Variants in TUBD1 observed in about 807,000 individuals in gnomAD.
The protein encoded by TUBD1 is tubulin delta 1.
TUBD1 carries 38 observed loss-of-function variants against 51.2 expected under a neutral mutation model. The observed-to-expected ratio is 0.74, with a 90% confidence interval of 0.57 to 0.97. The LOEUF (loss-of-function observed/expected upper bound fraction) is 0.97, where lower values mean the gene tolerates loss of function less well. Among genes scored for constraint, TUBD1 ranks in the 50% least tolerant of loss-of-function variants. The pLI, the probability that TUBD1 is intolerant of heterozygous loss-of-function variation, is 0.00. For synonymous variants in TUBD1, 169 were observed against 178.2 expected (o/e 0.95, Z 0.41); for missense variants, 489 against 538.4 (o/e 0.91, Z 0.91).
At chr17:59,885,317 T>C in intron 3 of TUBD1, 2 of 633,476 alleles carry the variant, frequency 3.2e-6, no homozygotes, top group East Asian at 3.1e-5. Flanking sequence ...GGTGAACCGA[T>C]GCACTGGCAG....
chr17:59,890,901 G>A lies in TUBD1; in HGVS notation c.102C>T (p.Cys34=). The A allele has an allele frequency of 6.2e-7, 1 of 1,613,872 alleles. No homozygotes were observed. The change falls in exon 2 of 9, where the codon TGC becomes TGT. Residue 34 remains cysteine, a synonymous_variant. Transcript: ENST00000325752. The stretch of plus-strand genomic sequence containing the variant: ...GATATGCCTCATTCTCTCTCATAGA[G>A]CAGAGTCCCTGGGAACTGTGTGAGT... ...LSDSHSSQGL[C]SMRENEAYQA... is the part of the protein sequence containing the mutation.
In TUBD1 at chr17:59,878,318, TAGTTTTGAAC is replaced by T; in HGVS notation, c.544_553del (p.Val182ThrfsTer5). 3 of 1,613,058 alleles carry T rather than the reference TAGTTTTGAAC, an allele frequency of 1.9e-6. No individual in the cohort carries two copies. The South Asian group carries it at 3.3e-5, about 18-fold the overall frequency. On this transcript the variant is annotated frameshift_variant, in exon 5 of 9. Transcript: ENST00000325752. LOFTEE classifies it high-confidence loss of function. ...GTGAGAAAGTGTCAAAATGGAGTTG[TAGTTTTGAAC>T]AATAACCTGGAGAGGAAAAGGTCAG... is the stretch of plus-strand genomic sequence containing the variant.
intron 1 of TUBD1, chr17:59,891,998 TA>T (rs1413869337): frequency 6.6e-6 from 1 of 151,312 alleles, no homozygotes; most frequent in Non-Finnish European, 1.5e-5. Flanking sequence ...ATTAAAAAAA[TA>T]AAAACAAGAC....
chr17:59,883,834 T>C (rs776746022), intron 3 of TUBD1, among the ~76,000 whole-genome samples: 16 of 152,204 alleles, frequency 1.1e-4, no homozygotes, highest in African/African-American at 1.7e-4. Flanking sequence ...ATTACAGGCA[T>C]GAGTAGTGGC....
intron 7 of TUBD1, among the ~76,000 whole-genome samples, chr17:59,866,007 AG>A (rs760011727): frequency 8.8e-5 from 13 of 148,240 alleles, no homozygotes; most frequent in Non-Finnish European, 1.6e-4. Flanking sequence ...GCTACTCAGG[AG>A]GCTGAGGCAG....
intron 4 of TUBD1, among the ~76,000 whole-genome samples, chr17:59,879,973 G>A (rs985306171): frequency 5.3e-5 from 8 of 151,588 alleles, no homozygotes; most frequent in South Asian, 2.1e-4. Flanking sequence ...GGGTGATCTC[G>A]AACTTCTGAC....
intron 6 of TUBD1, among the ~76,000 whole-genome samples, chr17:59,870,570 C>A (rs1483791300): frequency 6.6e-6 from 1 of 152,040 alleles, no homozygotes; most frequent in African/African-American, 2.4e-5. Flanking sequence ...TGACACCTGG[C>A]ACAGCCCTGT....
At chr17:59,890,805 A>T (rs762204570) in intron 2 of TUBD1, 26 bp downstream of exon 2, 1 of 1,579,864 alleles carries the variant, frequency 6.3e-7, no homozygotes, top group Non-Finnish European at 8.6e-7. Context: ...ATCAGAGTAA[A>T]GGAGAGGACT....
At chr17:59,889,538 G>A (rs1300931558) in intron 2 of TUBD1, among the ~76,000 whole-genome samples, 13 of 150,710 alleles carry the variant, frequency 8.6e-5, no homozygotes, top group African/African-American at 2.2e-4. Flanking sequence ...GCGTGGTGGC[G>A]CATGCCTGTA....
chr17:59,880,103 G>C (rs544956050), intron 4 of TUBD1, among the ~76,000 whole-genome samples: 1 of 151,852 alleles, frequency 6.6e-6, no homozygotes, highest in Admixed American at 6.6e-5. Flanking sequence ...CTGTCGCCAG[G>C]CTGGAGTGCA....
chr17:59,887,280 G>A (rs1029203479), intron 2 of TUBD1, among the ~76,000 whole-genome samples: 21 of 151,982 alleles, frequency 1.4e-4, no homozygotes, highest in Admixed American at 7.9e-4. Flanking sequence ...GCTGAGGCAC[G>A]AGAATTGCTT....
At chr17:59,882,083 TC>T (rs202003726) in intron 3 of TUBD1, among the ~76,000 whole-genome samples, 76,471 of 150,342 alleles carry the variant, frequency 0.51, 19,963 homozygotes, top group African/African-American at 0.65. Context: ...ATTAGCAACT[TC>T]TTTTTTTTTT....
chr17:59,891,411 A>G (rs574342257), intron 1 of TUBD1, among the ~76,000 whole-genome samples: 1 of 152,302 alleles, frequency 6.6e-6, no homozygotes, highest in East Asian at 1.9e-4. Flanking sequence ...CTGGGATTAC[A>G]GGCTTGAGCC....
At chr17:59,892,675 C>G (rs1171208802) in intron 1 of TUBD1, 22 bp downstream of exon 1, 1 of 155,678 alleles carries the variant, frequency 6.4e-6, no homozygotes, top group Non-Finnish European at 1.4e-5. Context: ...CCCAGGAGTT[C>G]TCCACACGTA....
intron 6 of TUBD1, among the ~76,000 whole-genome samples, chr17:59,869,280 C>G (rs934168482): frequency 1.3e-5 from 2 of 150,204 alleles, no homozygotes; most frequent in African/African-American, 4.9e-5. Flanking sequence ...TCAAGACCAG[C>G]CTGGCCAATA....
At position 59,859,708 on chromosome 17, in the gene TUBD1, G is replaced by A. The variant is rs559409439; in HGVS notation, c.*614C>T. The A allele has an allele frequency of 3.3e-5, 5 of 152,628 alleles. No homozygotes were observed. The highest frequency in any genetic ancestry group is 6.5e-5 in the Admixed American group (1 of 15,282). 9.5% of individuals were successfully genotyped at this position (152,628 alleles called of 1,614,324 possible). ...CTTGAAATTATGCTGTGAAAGTTTG[G>A]TTCATGCTTTGTGAGTTGTTTTTGG... On this transcript the variant is annotated 3_prime_UTR_variant, in exon 9 of 9. Coordinates refer to ENST00000325752, the MANE Select transcript of TUBD1 (RefSeq NM_016261.4).
intron 6 of TUBD1, among the ~76,000 whole-genome samples, chr17:59,870,883 C>T (rs752529839): frequency 6.6e-6 from 1 of 152,170 alleles, no homozygotes; most frequent in Non-Finnish European, 1.5e-5. Context: ...TGAGCGTTTA[C>T]CGTTCCAGGC....
chr17:59,870,797 G>T (rs1394542365), intron 6 of TUBD1, among the ~76,000 whole-genome samples: 1 of 152,180 alleles, frequency 6.6e-6, no homozygotes. Context: ...TCACCTTACT[G>T]TGAAACCCAC....
intron 4 of TUBD1, among the ~76,000 whole-genome samples, chr17:59,879,651 G>A (rs904000446): frequency 6.6e-6 from 1 of 151,982 alleles, no homozygotes; most frequent in Admixed American, 6.6e-5. Flanking sequence ...GGCCAGGCTG[G>A]TCTTAAACTC....
Sources: allele counts gnomAD v4.1 joint callset (sites outside exome capture counted in the v4.1 genomes callset), GRCh38; gene constraint gnomAD v4.1.1; transcripts MANE v1.5; gene names NCBI Gene and HGNC (gene_info 2026-07-23, HGNC 2026-07-21).